CAMK1D: variants seen among roughly 807,000 people sequenced by gnomAD.
CAMK1D encodes the protein calcium/calmodulin-dependent protein kinase type 1D.
CAMK1D carries 9 observed loss-of-function variants against 47.7 expected under a neutral mutation model. That is an observed-to-expected ratio of 0.19 (90% confidence interval 0.11 to 0.33). The LOEUF is 0.33. Among genes scored for constraint, CAMK1D ranks in the 10% least tolerant of loss-of-function variants. The pLI is 1.00. For synonymous variants in CAMK1D, 184 were observed against 184.9 expected, an observed-to-expected ratio of 0.99 and a Z score of 0.04; for missense variants, 291 against 488.7, an observed-to-expected ratio of 0.60 and a Z score of 3.81.
At chr10:12,610,274 C>T (rs568440799) in intron 2 of CAMK1D, among the ~76,000 whole-genome samples, 1 of 152,282 alleles carries the variant, frequency 6.6e-6, no homozygotes, top group East Asian at 1.9e-4. Flanking sequence ...CAGAGATGGG[C>T]AGGTAGCTTG....
intron 5 of CAMK1D, among the ~76,000 whole-genome samples, chr10:12,785,700 G>A (rs571836729): frequency 6.6e-6 from 1 of 152,166 alleles, no homozygotes; most frequent in Non-Finnish European, 1.5e-5. Context: ...TCCTTGCCAC[G>A]CGTCATAAAA....
intron 1 of CAMK1D, among the ~76,000 whole-genome samples, chr10:12,535,397 T>G (rs1835937679): frequency 6.6e-6 from 1 of 152,224 alleles, no homozygotes; most frequent in Non-Finnish European, 1.5e-5. Flanking sequence ...GAACAGGGAC[T>G]TTATTCCCTT....
chr10:12,779,271 A>T lies in CAMK1D; in HGVS notation c.565+9472A>T, dbSNP rs75898544. ...TAAGAGATAAAAGTCAGAGCTAAGG[A>T]AGTTAGTAAAATTATGTATATTGCC... is the stretch of plus-strand genomic sequence containing the variant. On this transcript the variant is annotated intron_variant, in intron 5 of 10. Coordinates refer to ENST00000619168, the MANE Select transcript of CAMK1D (RefSeq NM_153498.4). Among the ~76,000 whole-genome samples, 67 of 152,296 alleles carry T rather than the reference A, an allele frequency of 4.4e-4. 1 individual carries two copies. The East Asian group carries it at 0.012, about 28-fold the overall frequency.
At chr10:12,545,528 G>T (rs1436428548) in intron 1 of CAMK1D, among the ~76,000 whole-genome samples, 5 of 149,596 alleles carry the variant, frequency 3.3e-5, no homozygotes, top group African/African-American at 1.2e-4. Context: ...TTAGCCGGGC[G>T]CAGTGGCTCA....
At chr10:12,748,530 T>C (rs11813941) in intron 3 of CAMK1D, among the ~76,000 whole-genome samples, 40,225 of 151,776 alleles carry the variant, frequency 0.27, 6,082 homozygotes, top group African/African-American at 0.43. Flanking sequence ...CTTTCTGGAA[T>C]GTGAATAAAA....
intron 2 of CAMK1D, among the ~76,000 whole-genome samples, chr10:12,575,359 G>A (rs900362875): frequency 2.0e-5 from 3 of 152,174 alleles, no homozygotes; most frequent in African/African-American, 7.2e-5. Context: ...CTAAGGTGCT[G>A]GGATTACAGG....
intron 2 of CAMK1D, among the ~76,000 whole-genome samples, chr10:12,644,103 C>T (rs1839751069): frequency 6.6e-6 from 1 of 152,082 alleles, no homozygotes; most frequent in Non-Finnish European, 1.5e-5. Context: ...ACCATCTTCC[C>T]CTGAGCCCTG....
chr10:12,573,331 CGAT>C (rs765281045), intron 2 of CAMK1D, among the ~76,000 whole-genome samples: 72 of 151,922 alleles, frequency 4.7e-4, no homozygotes, highest in Non-Finnish European at 9.4e-4. Flanking sequence ...ATGATGGAGA[CGAT>C]GATGGAGACG....
Position 12,597,571 on chromosome 10 carries a change from C to T in CAMK1D, c.224+44215C>T, listed in dbSNP as rs78095045. 5.6e-3 allele frequency among the ~76,000 whole-genome samples: 853 copies of T among 152,286 alleles called. 6 individuals are homozygous for T. The highest frequency in any genetic ancestry group is 0.02 in the African/African-American group (811 of 41,560). ...TGGGATTAGACCCTATGCAGAGGCA[C>T]GTGACTTTTCATAGAGGGGCACTTC... On this transcript the variant is annotated intron_variant, in intron 2 of 10. Coordinates refer to ENST00000619168, the MANE Select transcript of CAMK1D (RefSeq NM_153498.4).
intron 6 of CAMK1D, among the ~76,000 whole-genome samples, chr10:12,792,619 G>C (rs1445599403): frequency 1.3e-5 from 2 of 152,254 alleles, no homozygotes; most frequent in East Asian, 3.8e-4. Context: ...TTTTGGTGCA[G>C]TATCTGAGAA....
intron 2 of CAMK1D, among the ~76,000 whole-genome samples, chr10:12,612,364 C>T (rs1327267220): frequency 1.6e-5 from 2 of 128,418 alleles, no homozygotes; most frequent in Admixed American, 8.6e-5. Context: ...TTTTTTGAGA[C>T]AGGGTCCCTA....
intron 5 of CAMK1D, among the ~76,000 whole-genome samples, chr10:12,786,675 A>T (rs140665876): frequency 6.6e-6 from 1 of 152,202 alleles, no homozygotes; most frequent in African/African-American, 2.4e-5. Flanking sequence ...CTCCTGTCTT[A>T]GCCTTCCAAA....
chr10:12,783,492 C>T (rs181036497), intron 5 of CAMK1D, among the ~76,000 whole-genome samples: 187 of 152,280 alleles, frequency 1.2e-3, no homozygotes, highest in African/African-American at 4.1e-3. Context: ...AGGGCTTCGC[C>T]GTTTCCTCCA....
chr10:12,349,638 G>C lies in CAMK1D; in HGVS notation c.-181G>C, dbSNP rs1181644606. The C allele has an allele frequency of 6.3e-6, 1 of 158,050 alleles. No individual in the cohort carries two copies. The highest frequency in any genetic ancestry group is 1.4e-5 in the Non-Finnish European group (1 of 72,122). The allele number at this position is 158,050 out of a possible 1,614,324, so 9.8% of individuals were successfully genotyped here. A position where few individuals can be genotyped will look rare whatever the true frequency, so the allele number is the denominator to read the frequency against. On this transcript the variant is annotated 5_prime_UTR_variant, in exon 1 of 11. Transcript: ENST00000619168. Reference sequence around the variant, plus strand: ...GTGCCCGAGAACAGCAGAAATAAGAGCCAGGGAGGGACCGCGGCCGCGGCG... The same window carrying C: ...GTGCCCGAGAACAGCAGAAATAAGACCCAGGGAGGGACCGCGGCCGCGGCG...
At chr10:12,743,086 T>C (rs1461102931) in intron 3 of CAMK1D, among the ~76,000 whole-genome samples, 1 of 152,210 alleles carries the variant, frequency 6.6e-6, no homozygotes, top group African/African-American at 2.4e-5. Flanking sequence ...CTCACGCCTG[T>C]AATCCCAGCA....
intron 2 of CAMK1D, among the ~76,000 whole-genome samples, chr10:12,650,310 G>A (rs1839924656): frequency 6.6e-6 from 1 of 152,258 alleles, no homozygotes; most frequent in Admixed American, 6.5e-5. Context: ...CGTGCCAGGG[G>A]CAGGGTCAGA....
intron 1 of CAMK1D, among the ~76,000 whole-genome samples, chr10:12,377,057 G>A (rs555305073): frequency 1.1e-4 from 16 of 152,092 alleles, no homozygotes; most frequent in African/African-American, 2.7e-4. Flanking sequence ...CACCGCACCC[G>A]GCCTTATTTT....
chr10:12,750,996 A>G (rs1305570064), intron 3 of CAMK1D, among the ~76,000 whole-genome samples: 2 of 152,148 alleles, frequency 1.3e-5, no homozygotes, highest in Non-Finnish European at 2.9e-5. Context: ...GGTTGCAGTG[A>G]GCTGAGAGAT....
chr10:12,606,772 T>C lies in CAMK1D; in HGVS notation c.224+53416T>C, dbSNP rs1015147508. Among the ~76,000 whole-genome samples the C allele has an allele frequency of 3.4e-4, 52 of 152,290 alleles. 1 individual carries two copies. The highest frequency in any genetic ancestry group is 1.1e-3 in the African/African-American group (47 of 41,566). On this transcript the variant is annotated intron_variant, in intron 2 of 10. Coordinates refer to ENST00000619168, the MANE Select transcript of CAMK1D (RefSeq NM_153498.4). Reference sequence around the variant, plus strand: ...GATATTATCATTCGCAAAGTGTAGATGAGAAACCTGAGGCTTGTCTTGCCT... The same window carrying C: ...GATATTATCATTCGCAAAGTGTAGACGAGAAACCTGAGGCTTGTCTTGCCT...
Sources: allele counts gnomAD v4.1 joint callset (sites outside exome capture counted in the v4.1 genomes callset), GRCh38; gene constraint gnomAD v4.1.1; transcripts MANE v1.5; gene names NCBI Gene and HGNC (gene_info 2026-07-23, HGNC 2026-07-21).